CCSER1: variants seen among roughly 807,000 people sequenced by gnomAD.
CCSER1 encodes the protein coiled-coil serine rich protein 1, also known as serine-rich coiled-coil domain-containing protein 1.
A neutral mutation model predicts 82.0 loss-of-function variants in CCSER1; 41 were observed. The observed-to-expected ratio is 0.50, with a 90% confidence interval of 0.39 to 0.65. CCSER1 has a LOEUF of 0.65. CCSER1 is among the 30% of genes least tolerant of loss of function. CCSER1 has a pLI of 0.00. For missense variants in CCSER1, 1,119 were observed against 1,064.2 expected (o/e 1.05, Z -0.72); for synonymous variants, 414 against 383.9 (o/e 1.08, Z -0.92).
intron 9 of CCSER1, among the ~76,000 whole-genome samples, chr4:91,022,285 G>A (rs1358019498): frequency 1.3e-5 from 2 of 151,726 alleles, no homozygotes; most frequent in Admixed American, 1.3e-4. Context: ...AGTTTGCTGA[G>A]AATGATGGTT....
intron 1 of CCSER1, among the ~76,000 whole-genome samples, chr4:90,257,896 G>T (rs1358644828): frequency 6.6e-6 from 1 of 152,152 alleles, no homozygotes; most frequent in Non-Finnish European, 1.5e-5. Context: ...ATTGGAGAAG[G>T]CAATCCGATT....
chr4:90,554,781 A>C (rs530063359), intron 5 of CCSER1, among the ~76,000 whole-genome samples: 2 of 152,316 alleles, frequency 1.3e-5, no homozygotes, highest in East Asian at 1.9e-4. Flanking sequence ...TTGACTTCTC[A>C]TCATACCTCG....
chr4:91,594,952 T>A (rs1764493365), intron 10 of CCSER1, among the ~76,000 whole-genome samples: 1 of 151,918 alleles, frequency 6.6e-6, no homozygotes, highest in Admixed American at 6.6e-5. Context: ...CTCAAACAAA[T>A]ACACTTTCAA....
intron 10 of CCSER1, among the ~76,000 whole-genome samples, chr4:91,571,847 G>C (rs1289892157): frequency 6.6e-6 from 1 of 152,172 alleles, no homozygotes; most frequent in African/African-American, 2.4e-5. Context: ...GTGATGAGCA[G>C]TGGTGGGGTG....
intron 10 of CCSER1, among the ~76,000 whole-genome samples, chr4:91,459,299 A>G (rs1198559153): frequency 3.9e-5 from 6 of 152,124 alleles, no homozygotes; most frequent in Non-Finnish European, 7.4e-5. Context: ...AGCATTAGGA[A>G]TATGCATACT....
intron 4 of CCSER1, among the ~76,000 whole-genome samples, chr4:90,417,395 T>C (rs963719862): frequency 6.6e-6 from 1 of 152,112 alleles, no homozygotes; most frequent in Non-Finnish European, 1.5e-5. Flanking sequence ...CATTAATCAT[T>C]AATACTCAAA....
At chr4:90,153,655 C>G (rs1490814713) in intron 1 of CCSER1, among the ~76,000 whole-genome samples, 1 of 152,146 alleles carries the variant, frequency 6.6e-6, no homozygotes. Flanking sequence ...AGCATTTTTT[C>G]ATGCGGTTTT....
intron 10 of CCSER1, among the ~76,000 whole-genome samples, chr4:91,594,944 C>A (rs1764492004): frequency 6.6e-6 from 1 of 151,932 alleles, no homozygotes; most frequent in African/African-American, 2.4e-5. Context: ...TTCTCTGCCT[C>A]AAACAAATAC....
intron 9 of CCSER1, among the ~76,000 whole-genome samples, chr4:90,981,255 A>C (rs1477482752): frequency 6.6e-6 from 1 of 151,856 alleles, no homozygotes. Flanking sequence ...AAAAGTTTAG[A>C]TATTTCCTAG....
intron 4 of CCSER1, among the ~76,000 whole-genome samples, chr4:90,435,272 A>G (rs1017340100): frequency 6.8e-6 from 1 of 148,050 alleles, no homozygotes; most frequent in Non-Finnish European, 1.5e-5. Flanking sequence ...TTATTGAATA[A>G]TAGCTTAAAT....
At chr4:91,412,315 C>A (rs1753102668) in intron 10 of CCSER1, among the ~76,000 whole-genome samples, 1 of 151,992 alleles carries the variant, frequency 6.6e-6, no homozygotes, top group Non-Finnish European at 1.5e-5. Flanking sequence ...CAACTCAGAT[C>A]CAGCTGTGAG....
chr4:90,349,569 TTCTTCCTCTGTAA>T (rs1294697447), intron 3 of CCSER1, among the ~76,000 whole-genome samples: 1 of 152,126 alleles, frequency 6.6e-6, no homozygotes, highest in African/African-American at 2.4e-5. Context: ...TATATACTGT[TTCTTCCTCTGTAA>T]TCTTCCATCC....
intron 10 of CCSER1, among the ~76,000 whole-genome samples, chr4:91,314,895 A>G (rs1181224493): frequency 1.3e-5 from 2 of 151,928 alleles, no homozygotes; most frequent in African/African-American, 4.8e-5. Context: ...TTCAAATACA[A>G]GTAAGTAATT....
intron 10 of CCSER1, among the ~76,000 whole-genome samples, chr4:91,466,308 T>C (rs1454555135): frequency 6.6e-6 from 1 of 152,120 alleles, no homozygotes; most frequent in Admixed American, 6.5e-5. Flanking sequence ...CAACAGCCCT[T>C]CATGCTAAAA....
intron 3 of CCSER1, among the ~76,000 whole-genome samples, chr4:90,348,380 A>T (rs181742058): frequency 1.3e-5 from 2 of 152,296 alleles, no homozygotes; most frequent in Admixed American, 6.5e-5. Context: ...AGATTATATA[A>T]TATTATTTTA....
chr4:90,538,490 G>C (rs1421407570), intron 5 of CCSER1, among the ~76,000 whole-genome samples: 5 of 151,982 alleles, frequency 3.3e-5, no homozygotes, highest in Non-Finnish European at 5.9e-5. Flanking sequence ...TTTTTAAAAA[G>C]TTTTTACTTG....
intron 10 of CCSER1, among the ~76,000 whole-genome samples, chr4:91,098,203 A>T (rs981940572): frequency 6.6e-6 from 1 of 152,218 alleles, no homozygotes; most frequent in Admixed American, 6.5e-5. Flanking sequence ...TTATTCTGAT[A>T]GTGGACTTTA....
Position 90,894,526 on chromosome 4 carries a change from C to T in CCSER1, c.2095-28844C>T, listed in dbSNP as rs78780735. 1.2e-3 allele frequency among the ~76,000 whole-genome samples: 190 copies of T among 152,006 alleles called. 1 individual carries two copies. The highest frequency in any genetic ancestry group is 4.2e-3 in the African/African-American group (173 of 41,510). Reference sequence around the variant, plus strand: ...ACTCCCCAAAACAACTTGTTTGTTCCGGGAAACATTGACTATATAGTCTAT... The same window carrying T: ...ACTCCCCAAAACAACTTGTTTGTTCTGGGAAACATTGACTATATAGTCTAT... On this transcript the variant is annotated intron_variant, in intron 8 of 10. Transcript: ENST00000509176.
chr4:91,214,488 T>G (rs569112564), intron 10 of CCSER1, among the ~76,000 whole-genome samples: 2 of 152,198 alleles, frequency 1.3e-5, no homozygotes, highest in African/African-American at 4.8e-5. Context: ...ATCTTGATAT[T>G]CCCGAATGCT....
Sources: allele counts gnomAD v4.1 joint callset (sites outside exome capture counted in the v4.1 genomes callset), GRCh38; gene constraint gnomAD v4.1.1; transcripts MANE v1.5; gene names NCBI Gene and HGNC (gene_info 2026-07-23, HGNC 2026-07-21).